Variants in OIP5 observed in about 807,000 individuals in gnomAD.
OIP5 encodes Opa interacting protein 5.
OIP5 carries 24 observed loss-of-function variants against 20.3 expected under a neutral mutation model. The ratio of observed to expected loss-of-function variants is 1.18; its 90% CI spans 0.86 to 1.66. The LOEUF is 1.66. Ranked by LOEUF, OIP5 falls within the 40% of genes most tolerant of loss-of-function variation. The pLI is 0.00. For synonymous variants in OIP5, 143 were observed against 121.3 expected, an observed-to-expected ratio of 1.18 and a Z score of -1.17; for missense variants, 339 against 289.5, an observed-to-expected ratio of 1.17 and a Z score of -1.24.
intron 2 of OIP5, 89 bp downstream of exon 2, chr15:41,331,826 A>T (rs1234003930): frequency 9.2e-7 from 1 of 1,082,162 alleles, no homozygotes; most frequent in Non-Finnish European, 1.4e-6. Flanking sequence ...GCAGCATCCC[A>T]AACTGTTTTC....
At position 41,331,968 on chromosome 15, in the gene OIP5, G is replaced by A; in HGVS notation, c.336C>T (p.Asn112=). Residue 112 remains asparagine, a synonymous_variant, in exon 2 of 5, where the codon AAC becomes AAT. Transcript: ENST00000220514. ...GAVVFSRVTN[N]VVLEAPFLVG... The stretch of plus-strand genomic sequence containing the variant: ...CTAGGAAGGGCGCTTCCAAAACGAC[G>A]TTATTTGTAACTCCTAGGAAGACAA... 6.2e-7 allele frequency: 1 copy of A among 1,613,944 alleles called. No individual in the cohort carries two copies. Among genetic ancestry groups the A allele is most frequent in the Non-Finnish European group, 8.5e-7 (1 of 1,179,952 alleles).
rs774988607 is a variant in OIP5, at chr15:41,332,519, G to C, written c.43C>G (p.Pro15Ala). The change falls in exon 1 of 5, where the codon CCG becomes GCG. Residue 15 changes from proline (P) to alanine (A), a missense_variant. Transcript: ENST00000220514. Reference sequence around the variant, plus strand: ...CCACCACAAAAGTCCCCCCGGGGCGGCGTTGCACAACGTGAGCGATGCCGC... The same window carrying C: ...CCACCACAAAAGTCCCCCCGGGGCGCCGTTGCACAACGTGAGCGATGCCGC... ...PLRHRSRCATPPRGDFCGGTE... is the reference protein window; with the variant it reads ...PLRHRSRCATAPRGDFCGGTE... 1 of 1,613,086 alleles carries C rather than the reference G, an allele frequency of 6.2e-7. No individual in the cohort carries two copies. Among genetic ancestry groups the C allele is most frequent in the Non-Finnish European group, 8.5e-7 (1 of 1,179,630 alleles).
At chr15:41,317,635 C>T (rs140662607) in intron 3 of OIP5, among the ~76,000 whole-genome samples, 48 of 152,166 alleles carry the variant, frequency 3.2e-4, no homozygotes, top group African/African-American at 1.1e-3. Context: ...CCACCTCGGC[C>T]TCCCAAAGTA....
chr15:41,311,494 C>A (rs969339447), intron 4 of OIP5, among the ~76,000 whole-genome samples: 38 of 152,112 alleles, frequency 2.5e-4, no homozygotes, highest in Admixed American at 2.2e-3. Context: ...TGGTTGTTTC[C>A]TTTATAATAT....
Position 41,332,277 on chromosome 15 carries a change from C to T in OIP5, c.285G>A (p.Trp95Ter), listed in dbSNP as rs780963370. 2 of 1,568,276 alleles carry T rather than the reference C, an allele frequency of 1.3e-6. No individual in the cohort carries two copies. The highest frequency in any genetic ancestry group is 1.7e-6 in the Non-Finnish European group (2 of 1,157,822). Residue 95 changes from tryptophan to a stop codon, truncating the protein, a stop_gained, in exon 1 of 5, where the codon TGG (tryptophan) becomes TGA (stop). Coordinates refer to ENST00000220514, the MANE Select transcript of OIP5 (RefSeq NM_007280.2). LOFTEE classifies it high-confidence loss of function. ...AVLADSVHLA[W>*]DLSRSLGAVV... Reference sequence around the variant, plus strand: ...CGGCCCCGAGGGACCGCGACAGGTCCCAGGCGAGGTGCACCGAGTCGGCGA... The same window carrying T: ...CGGCCCCGAGGGACCGCGACAGGTCTCAGGCGAGGTGCACCGAGTCGGCGA...
Position 41,326,333 on chromosome 15 carries a change from T to G in OIP5, c.389+5582A>C, listed in dbSNP as rs2047861568. Among the ~76,000 whole-genome samples, 3 of 152,184 alleles carry G rather than the reference T, an allele frequency of 2.0e-5. No individual in the cohort carries two copies. In the South Asian group the frequency reaches 6.2e-4, roughly 31 times the overall value. On this transcript the variant is annotated intron_variant, in intron 2 of 4. Coordinates refer to ENST00000220514, the MANE Select transcript of OIP5 (RefSeq NM_007280.2). ...ACCATGGTTTATGATTTAAAAAAATTTATCCTAAGTTGACCACTGTAGAAG... is the reference window on the plus strand; with the variant it reads ...ACCATGGTTTATGATTTAAAAAAATGTATCCTAAGTTGACCACTGTAGAAG...
chr15:41,310,553 C>T (rs2047747603), intron 4 of OIP5, among the ~76,000 whole-genome samples: 1 of 150,730 alleles, frequency 6.6e-6, no homozygotes, highest in Non-Finnish European at 1.5e-5. Context: ...TGAGTGAACC[C>T]AGGAGGCAGA....
At chr15:41,326,882 T>C (rs1410293731) in intron 2 of OIP5, among the ~76,000 whole-genome samples, 2 of 152,172 alleles carry the variant, frequency 1.3e-5, no homozygotes, top group African/African-American at 2.4e-5. Flanking sequence ...GAGAATATTA[T>C]AGGAGGAAAA....
In OIP5 at chr15:41,309,798, T is replaced by C. The variant is rs2047743051; in HGVS notation, c.646A>G (p.Ile216Val). The C allele has an allele frequency of 4.3e-6, 7 of 1,613,940 alleles. No homozygotes were observed. In the South Asian group the frequency reaches 7.7e-5, roughly 18 times the overall value. The change falls in exon 5 of 5, where the codon ATT becomes GTT. Residue 216 changes from isoleucine to valine, a missense_variant. By Grantham distance (29) the Ile-to-Val change is conservative. Transcript: ENST00000220514. ...TGGTCAGGAGTCACTTCACTCAGAA[T>C]CTTCATTAGTGATTTTAAGCGATTG... is the stretch of plus-strand genomic sequence containing the variant. ...THNRLKSLMK[I>V]LSEVTPDQSK...
rs769539231 is a variant in OIP5 at position 41,332,338 on chromosome 15, C to A, written c.224G>T (p.Cys75Phe). 12 of 1,611,904 alleles carry A rather than the reference C, an allele frequency of 7.4e-6. No individual in the cohort carries two copies. The highest frequency in any genetic ancestry group is 1.0e-5 in the Non-Finnish European group (12 of 1,178,970). The part of the protein sequence containing the change: ...QLPSWLQPER[C>F]AVFQCAQCHA... The stretch of plus-strand genomic sequence containing the variant: ...ACACTGTGCGCACTGGAACACAGCG[C>A]ACCTCTCAGGCTGCAGCCAAGACGG... Residue 75 changes from cysteine to phenylalanine, a missense_variant, in exon 1 of 5, where the codon TGC becomes TTC. Transcript: ENST00000220514.
intron 4 of OIP5, among the ~76,000 whole-genome samples, chr15:41,313,033 C>T (rs1379385533): frequency 6.6e-6 from 1 of 152,200 alleles, no homozygotes; most frequent in African/African-American, 2.4e-5. Context: ...GATATCCATT[C>T]CCAGCACAAA....
rs760937132 is a variant in OIP5 at position 41,319,781 on chromosome 15, C to T, written c.390-1G>A. 6.2e-7 allele frequency: 1 copy of T among 1,603,574 alleles called. No homozygotes were observed. Among genetic ancestry groups the T allele is most frequent in the African/African-American group, 1.3e-5 (1 of 74,196 alleles). On this transcript the variant is annotated splice_acceptor_variant, in intron 2 of 4. Coordinates refer to ENST00000220514, the MANE Select transcript of OIP5 (RefSeq NM_007280.2). LOFTEE classifies it high-confidence loss of function. The stretch of plus-strand genomic sequence containing the variant: ...ACCACAGAATAAAAGGTTGTAAGTA[C>T]TAGGGGTGGGGAAAAACACAATATG...
intron 4 of OIP5, among the ~76,000 whole-genome samples, chr15:41,310,929 T>C (rs1161856620): frequency 6.6e-6 from 1 of 152,222 alleles, no homozygotes; most frequent in East Asian, 1.9e-4. Context: ...CTTACAGCTA[T>C]ATTTAGCATG....
At position 41,313,350 on chromosome 15, in the gene OIP5, G is replaced by C. The variant is rs750324207; in HGVS notation, c.517C>G (p.Leu173Val). The stretch of plus-strand genomic sequence containing the variant: ...TTTACTATGGCTTTTGTTTTTAAGA[G>C]ATAGCTAGATAGGAAAAAAGAAAAA... ...CLSSDKMVCY[L>V]LKTKAIVNAS... Residue 173 changes from leucine to valine, a missense_variant, in exon 4 of 5, where the codon CTC becomes GTC. Coordinates refer to ENST00000220514, the MANE Select transcript of OIP5 (RefSeq NM_007280.2). 6.4e-7 allele frequency: 1 copy of C among 1,567,276 alleles called. No homozygotes were observed. The highest frequency in any genetic ancestry group is 1.7e-5 in the Admixed American group (1 of 58,814).
intron 4 of OIP5, among the ~76,000 whole-genome samples, chr15:41,312,875 G>A (rs377141523): frequency 5.3e-5 from 8 of 151,908 alleles, no homozygotes; most frequent in East Asian, 3.9e-4. Context: ...TGTTCTGCTC[G>A]CCTTGGCCTA....
intron 1 of OIP5, 30 bp downstream of exon 1, chr15:41,332,210 T>G: frequency 2.6e-6 from 4 of 1,525,252 alleles, no homozygotes; most frequent in Non-Finnish European, 2.6e-6. Flanking sequence ...GGCTAGCCTC[T>G]GCCTTTCCCG....
chr15:41,323,581 C>T (rs1167103707), intron 2 of OIP5, among the ~76,000 whole-genome samples: 2 of 152,100 alleles, frequency 1.3e-5, no homozygotes, highest in Non-Finnish European at 2.9e-5. Context: ...AGTGATCCTC[C>T]CACCTCAGCC....
chr15:41,318,112 C>T (rs1041019040), intron 3 of OIP5, among the ~76,000 whole-genome samples: 10 of 152,156 alleles, frequency 6.6e-5, no homozygotes, highest in Non-Finnish European at 1.5e-4. Flanking sequence ...GTATCTACTG[C>T]AACATTATTT....
chr15:41,331,877 G>A, intron 2 of OIP5, 38 bp downstream of exon 2: 1 of 1,553,958 alleles, frequency 6.4e-7, no homozygotes, highest in African/African-American at 1.4e-5. Flanking sequence ...GTCTCATAAA[G>A]TCAGGGACTA....
Sources: allele counts gnomAD v4.1 joint callset (sites outside exome capture counted in the v4.1 genomes callset), GRCh38; gene constraint gnomAD v4.1.1; transcripts MANE v1.5; gene names NCBI Gene and HGNC (gene_info 2026-07-23, HGNC 2026-07-21).